Variants in FAM83D observed in about 807,000 individuals in gnomAD.
The protein encoded by FAM83D is scaffolding CK1 anchoring protein D.
A neutral mutation model predicts 25.4 loss-of-function variants in FAM83D; 26 were observed. The ratio of observed to expected loss-of-function variants is 1.02; its 90% confidence interval spans 0.75 to 1.42. FAM83D has a LOEUF of 1.42. FAM83D is among the 40% of genes most tolerant of loss of function. FAM83D has a pLI of 0.00. For missense variants in FAM83D, 740 were observed against 758.1 expected, an observed-to-expected ratio of 0.98 and a Z score of 0.28; for synonymous variants, 310 against 318.5, an observed-to-expected ratio of 0.97 and a Z score of 0.28.
In FAM83D at chr20:38,951,892, A is replaced by G. The variant is rs747309460; in HGVS notation, c.1130A>G (p.His377Arg). The G allele has an allele frequency of 6.2e-7, 1 of 1,614,192 alleles. No homozygotes were observed. Among genetic ancestry groups the G allele is most frequent in the Non-Finnish European group, 8.5e-7 (1 of 1,180,030 alleles). Residue 377 changes from histidine (H) to arginine (R), a missense_variant, in exon 4 of 4, where the codon CAC (histidine) becomes CGC (arginine). His to Arg is a conservative substitution (Grantham distance 29). This residue lies in a region of FAM83D where 375 missense variants were observed against 403.2 expected (regional missense o/e 0.93). Transcript: ENST00000619850. ...AGTGAGGAAGACTACTTCAGCAGCC[A>G]CAGGGACGAGCTCCAGAGCAGAAAG... ...TVSEEDYFSS[H>R]RDELQSRKAI...
chr20:38,927,743 C>T (rs1343275116), intron 1 of FAM83D, among the ~76,000 whole-genome samples: 2 of 151,894 alleles, frequency 1.3e-5, no homozygotes, highest in African/African-American at 2.4e-5. Context: ...AGGTGATCCA[C>T]CCGCCTCGGC....
chr20:38,932,217 C>A (rs1289333760), intron 1 of FAM83D, among the ~76,000 whole-genome samples: 1 of 152,140 alleles, frequency 6.6e-6, no homozygotes, highest in Non-Finnish European at 1.5e-5. Context: ...GAGATCCCAT[C>A]TCTACAAAAA....
At chr20:38,933,895 G>A (rs1373100718) in intron 1 of FAM83D, among the ~76,000 whole-genome samples, 1 of 146,960 alleles carries the variant, frequency 6.8e-6, no homozygotes, top group Non-Finnish European at 1.5e-5. Flanking sequence ...TCGCTCTGTC[G>A]CCAGGCTGGA....
chr20:38,939,830 C>T (rs910829183), intron 1 of FAM83D, among the ~76,000 whole-genome samples: 2 of 152,162 alleles, frequency 1.3e-5, no homozygotes, highest in Non-Finnish European at 2.9e-5. Context: ...CTGTTTCCTG[C>T]CTTGCCCTCC....
At chr20:38,934,417 T>G (rs900344302) in intron 1 of FAM83D, among the ~76,000 whole-genome samples, 4 of 144,680 alleles carry the variant, frequency 2.8e-5, no homozygotes, top group Non-Finnish European at 4.5e-5. Context: ...AGCTTGAACC[T>G]GGGAGGTGGA....
In FAM83D at chr20:38,951,407, G is replaced by A. The variant is rs1416499526; in HGVS notation, c.777-132G>A. ...AAGGCTAGTTAAATACATGCAAATG[G>A]TAGGTATGATATCACCAAATTTGTG... is the stretch of plus-strand genomic sequence containing the variant. On this transcript the variant is annotated intron_variant, in intron 3 of 3. Transcript: ENST00000619850. The A allele has an allele frequency of 3.3e-6, 3 of 896,610 alleles. No homozygotes were observed. The African/African-American group carries it at 5.1e-5, about 15-fold the overall frequency. The allele number at this position is 896,610 out of a possible 1,614,324, so 55.5% of individuals were successfully genotyped here. A position where few individuals can be genotyped will look rare whatever the true frequency, so the allele number is the denominator to read the frequency against.
chr20:38,949,240 C>T (rs1318206995), intron 3 of FAM83D, among the ~76,000 whole-genome samples: 1 of 149,844 alleles, frequency 6.7e-6, no homozygotes, highest in East Asian at 2.0e-4. Flanking sequence ...TAGCTCATTT[C>T]AACTTCTGCC....
chr20:38,938,490 G>A (rs1290833986), intron 1 of FAM83D, among the ~76,000 whole-genome samples: 2 of 152,212 alleles, frequency 1.3e-5, no homozygotes, highest in African/African-American at 4.8e-5. Flanking sequence ...TTTGAAAGAA[G>A]AGTGGGAAAT....
At chr20:38,949,178 T>TTC (rs1555812840) in intron 3 of FAM83D, among the ~76,000 whole-genome samples, 1 of 151,770 alleles carries the variant, frequency 6.6e-6, no homozygotes, top group African/African-American at 2.4e-5. Context: ...TTTTTTTTTT[T>TTC]CGTGATGGAG....
At chr20:38,941,854 A>T in intron 1 of FAM83D, 105 bp from the exon 2 acceptor site, 3 of 1,111,872 alleles carry the variant, frequency 2.7e-6, no homozygotes, top group Non-Finnish European at 2.7e-6. Flanking sequence ...TAACTGTTGG[A>T]TAGGGATCAT....
Position 38,951,857 on chromosome 20 carries a change from C to G in FAM83D, c.1095C>G (p.Ser365=), listed in dbSNP as rs1314903784. ...KAERKPHDCE[S]STVSEEDYFS... ...AGCGCAAGCCCCATGACTGTGAGTC[C>G]TCTACTGTTAGTGAGGAAGACTACT... Residue 365 remains serine, a synonymous_variant, in exon 4 of 4, where the codon TCC becomes TCG. Coordinates refer to ENST00000619850, the MANE Select transcript of FAM83D (RefSeq NM_030919.3). 6.2e-7 allele frequency: 1 copy of G among 1,614,226 alleles called. No individual in the cohort carries two copies. Among genetic ancestry groups the G allele is most frequent in the Admixed American group, 1.7e-5 (1 of 60,032 alleles).
At chr20:38,929,066 A>G (rs1246349819) in intron 1 of FAM83D, among the ~76,000 whole-genome samples, 2 of 151,710 alleles carry the variant, frequency 1.3e-5, no homozygotes, top group African/African-American at 2.4e-5. Flanking sequence ...AATCCCAGCT[A>G]CTTGGGAGGC....
chr20:38,951,584 T>C lies in FAM83D; in HGVS notation c.822T>C (p.Ile274=). ...DGKLNSSNLV[I]LSGQVVEHFD... ...AATTAAACAGCAGTAACTTGGTAATTCTGTCTGGCCAAGTGGTTGAACACT... is the reference window on the plus strand; with the variant it reads ...AATTAAACAGCAGTAACTTGGTAATCCTGTCTGGCCAAGTGGTTGAACACT... The change falls in exon 4 of 4, where the codon ATT becomes ATC. Residue 274 remains isoleucine (I), a synonymous_variant. Coordinates refer to ENST00000619850, the MANE Select transcript of FAM83D (RefSeq NM_030919.3). 1 of 1,614,164 alleles carries C rather than the reference T, an allele frequency of 6.2e-7. No individual in the cohort carries two copies. The highest frequency in any genetic ancestry group is 1.1e-5 in the South Asian group (1 of 91,070).
chr20:38,933,107 C>G, intron 1 of FAM83D, among the ~76,000 whole-genome samples: 1 of 152,230 alleles, frequency 6.6e-6, no homozygotes, highest in East Asian at 1.9e-4. Flanking sequence ...AGCAGGGCTT[C>G]TCACCCTCAG....
intron 1 of FAM83D, among the ~76,000 whole-genome samples, chr20:38,929,693 A>G (rs1158739206): frequency 6.6e-6 from 1 of 151,528 alleles, no homozygotes; most frequent in Non-Finnish European, 1.5e-5. Flanking sequence ...CAGGAGGATC[A>G]TTTGAGCCCA....
Position 38,942,073 on chromosome 20 carries a change from T to C in FAM83D, c.598T>C (p.Ser200Pro). ...TATCCTTCTGGACCAGGCTCTCCTC[T>C]CTCAATTTCTGGATATGTGCATGGA... ...VYILLDQALL[S>P]QFLDMCMDLK... is the part of the protein sequence containing the mutation. Residue 200 changes from serine (S) to proline (P), a missense_variant, in exon 2 of 4, where the codon TCT becomes CCT. Physicochemically the swap from Ser to Pro is moderately conservative, Grantham distance 74 (BLOSUM62 -1). Coordinates refer to ENST00000619850, the MANE Select transcript of FAM83D (RefSeq NM_030919.3). The C allele has an allele frequency of 1.9e-6, 3 of 1,614,214 alleles. No individual in the cohort carries two copies. Among genetic ancestry groups the C allele is most frequent in the South Asian group, 2.2e-5 (2 of 91,088 alleles).
chr20:38,951,056 C>T (rs1294297535), intron 3 of FAM83D, among the ~76,000 whole-genome samples: 1 of 152,180 alleles, frequency 6.6e-6, no homozygotes, highest in Non-Finnish European at 1.5e-5. Context: ...CTCCTGACCT[C>T]AAAGGATCTG....
At chr20:38,949,468 T>C (rs962039321) in intron 3 of FAM83D, among the ~76,000 whole-genome samples, 13 of 152,162 alleles carry the variant, frequency 8.5e-5, no homozygotes, top group African/African-American at 2.9e-4. Context: ...CCCAGCCTCA[T>C]TGAAGGCTTT....
chr20:38,941,765 C>T (rs1344082712), intron 1 of FAM83D, among the ~76,000 whole-genome samples, 194 bp from the exon 2 acceptor site: 1 of 151,982 alleles, frequency 6.6e-6, no homozygotes, highest in African/African-American at 2.4e-5. Flanking sequence ...TTCTAGGACA[C>T]GGGGCCCAAG....
Sources: gnomAD v4.1 joint callset for allele counts (sites outside exome capture counted in the v4.1 genomes callset) on GRCh38, gnomAD v4.1.1 for gene constraint, gnomAD v4.1.1 regional missense constraint, MANE v1.5 for transcripts, NCBI Gene and HGNC (gene_info 2026-07-23, HGNC 2026-07-21) for gene names.